Variants in CFAP52 observed in about 807,000 individuals in gnomAD.
CFAP52 encodes the protein cilia- and flagella-associated protein 52.
Under a neutral mutation model 70.5 loss-of-function variants are expected in CFAP52, and 57 were observed. The observed-to-expected ratio is 0.81, with a 90% confidence interval of 0.65 to 1.01. The LOEUF (loss-of-function observed/expected upper bound fraction) is 1.01. Ranked by LOEUF, CFAP52 falls within the 50% of genes least tolerant of loss-of-function variation. The pLI, the probability that CFAP52 is intolerant of heterozygous loss-of-function variation, is 0.00. For missense variants in CFAP52, 785 were observed against 788.5 expected, an observed-to-expected ratio of 1.00 and a Z score of 0.05; for synonymous variants, 267 against 292.5, an observed-to-expected ratio of 0.91 and a Z score of 0.89.
At chr17:9,587,562 C>T (rs1475102843) in intron 3 of CFAP52, among the ~76,000 whole-genome samples, 1 of 152,156 alleles carries the variant, frequency 6.6e-6, no homozygotes, top group Non-Finnish European at 1.5e-5. Context: ...AATAGTTGTT[C>T]TGACTGATAT....
chr17:9,616,183 C>T (rs1909908715), intron 8 of CFAP52, among the ~76,000 whole-genome samples: 2 of 151,178 alleles, frequency 1.3e-5, no homozygotes, highest in Non-Finnish European at 2.9e-5. Context: ...ATTGCCTCAC[C>T]TGGGAAGCGC....
chr17:9,631,093 A>G lies in CFAP52; in HGVS notation c.1175-1795A>G, dbSNP rs1265597294. Among the ~76,000 whole-genome samples, 156 of 150,320 alleles carry G rather than the reference A, an allele frequency of 1.0e-3. 8 individuals are homozygous for G. The highest frequency in any genetic ancestry group is 3.7e-3 in the African/African-American group (150 of 40,294). On this transcript the variant is annotated intron_variant, in intron 9 of 13. Transcript: ENST00000352665. Reference sequence around the variant, plus strand: ...AAGAAAGAAAGAAAGAGAAAGAAAGAAAGAGAAAGAAAGAACATAAGTCAG... The same window carrying G: ...AAGAAAGAAAGAAAGAGAAAGAAAGGAAGAGAAAGAAAGAACATAAGTCAG...
intron 1 of CFAP52, 95 bp downstream of exon 1, chr17:9,576,860 G>A: frequency 7.4e-7 from 1 of 1,348,158 alleles, no homozygotes; most frequent in Non-Finnish European, 1.0e-6. Flanking sequence ...CACCTGAAAG[G>A]CAGTGTGGGA....
chr17:9,613,107 C>T (rs970004737), intron 8 of CFAP52, among the ~76,000 whole-genome samples: 2 of 151,788 alleles, frequency 1.3e-5, no homozygotes, highest in African/African-American at 4.8e-5. Context: ...GGCATATAGC[C>T]CCATCTTAAG....
At chr17:9,644,007 A>G (rs1369709847), downstream of CFAP52, among the ~76,000 whole-genome samples, 1 of 152,122 alleles carries the variant, frequency 6.6e-6, no homozygotes, top group Non-Finnish European at 1.5e-5. Context: ...GATTCACAGT[A>G]CCGTCTGATG....
chr17:9,594,047 A>C, intron 3 of CFAP52, 146 bp from the exon 4 acceptor site: 3 of 1,137,468 alleles, frequency 2.6e-6, no homozygotes, highest in Non-Finnish European at 3.6e-6. Flanking sequence ...AGTTGAGGAG[A>C]TGTCAGGGGT....
intron 8 of CFAP52, among the ~76,000 whole-genome samples, chr17:9,626,239 T>A (rs1037101884): frequency 1.1e-4 from 16 of 152,216 alleles, no homozygotes; most frequent in Non-Finnish European, 1.8e-4. Flanking sequence ...AGAAAGTTCT[T>A]CTTTTTTGAG....
rs184009440 is a variant in CFAP52 at position 9,591,074 on chromosome 17, G to A, written c.408-3119G>A. ...TTTTTTGAGATGGAGTTTCACTCTT[G>A]TTTCCCAGGCTGGAGTGCAACGGCA... On this transcript the variant is annotated intron_variant, in intron 3 of 13. Transcript: ENST00000352665. Among the ~76,000 whole-genome samples, 45 of 93,846 alleles carry A rather than the reference G, an allele frequency of 4.8e-4. 1 individual carries two copies. The highest frequency in any genetic ancestry group is 0.03 in the Middle Eastern group (2 of 66). 61.6% of individuals were successfully genotyped at this position (93,846 alleles called of 152,430 possible).
intron 1 of CFAP52, among the ~76,000 whole-genome samples, chr17:9,577,257 C>G (rs1253792770): frequency 6.6e-6 from 1 of 152,130 alleles, no homozygotes; most frequent in East Asian, 1.9e-4. Context: ...TTTGAGCAAC[C>G]CCCTGAGGGG....
At chr17:9,640,534 TGGCTC>T (rs1448039235) in intron 12 of CFAP52, among the ~76,000 whole-genome samples, 2 of 152,156 alleles carry the variant, frequency 1.3e-5, no homozygotes, top group Non-Finnish European at 2.9e-5. Flanking sequence ...CTGAGGATAA[TGGCTC>T]CCAACTCCAT....
At chr17:9,583,868 A>G (rs1452200380) in intron 1 of CFAP52, among the ~76,000 whole-genome samples, 1 of 152,218 alleles carries the variant, frequency 6.6e-6, no homozygotes, top group Non-Finnish European at 1.5e-5. Context: ...AGTTTGGGCC[A>G]CTTGTCACTT....
At chr17:9,600,018 G>A in intron 5 of CFAP52, 49 bp from the exon 6 acceptor site, 2 of 1,541,490 alleles carry the variant, frequency 1.3e-6, no homozygotes, top group Non-Finnish European at 1.8e-6. Flanking sequence ...TGATATTACA[G>A]GCGTGAGCCA....
chr17:9,578,955 G>T (rs1052447439), intron 1 of CFAP52, among the ~76,000 whole-genome samples: 2 of 152,094 alleles, frequency 1.3e-5, no homozygotes, highest in African/African-American at 4.8e-5. Context: ...CTGATCAGTT[G>T]TGTCTAAACC....
At chr17:9,591,711 T>C (rs1908769837) in intron 3 of CFAP52, among the ~76,000 whole-genome samples, 1 of 152,106 alleles carries the variant, frequency 6.6e-6, no homozygotes, top group South Asian at 2.1e-4. Flanking sequence ...AGACCCCTGT[T>C]TCCACAAAAA....
At chr17:9,595,524 A>C (rs1396099459) in intron 4 of CFAP52, among the ~76,000 whole-genome samples, 1 of 152,098 alleles carries the variant, frequency 6.6e-6, no homozygotes, top group Non-Finnish European at 1.5e-5. Context: ...TTGCAGAGTG[A>C]TTTGACTAAG....
At chr17:9,629,524 C>T (rs11657544) in intron 9 of CFAP52, among the ~76,000 whole-genome samples, 1 of 144,916 alleles carries the variant, frequency 6.9e-6, no homozygotes, top group Non-Finnish European at 1.5e-5. Context: ...TTTCTTCTTT[C>T]TTTTTTCTTC....
At chr17:9,590,623 T>C (rs1908703344) in intron 3 of CFAP52, 1 of 152,178 alleles carries the variant, frequency 6.6e-6, no homozygotes, top group South Asian at 2.1e-4. Flanking sequence ...CCCCCGGAGA[T>C]TCTTGGAGCT....
chr17:9,615,922 T>C (rs1279792313), intron 8 of CFAP52, among the ~76,000 whole-genome samples: 4 of 150,414 alleles, frequency 2.7e-5, no homozygotes, highest in Non-Finnish European at 4.4e-5. Flanking sequence ...TCTCAGATTA[T>C]AGGCATGAGC....
chr17:9,644,519 C>T (rs1392403211), downstream of CFAP52, among the ~76,000 whole-genome samples: 1 of 145,400 alleles, frequency 6.9e-6, no homozygotes, highest in African/African-American at 2.6e-5. Flanking sequence ...TAGAAATTGA[C>T]GAGAAAGTCA....
Sources: allele counts gnomAD v4.1 joint callset (sites outside exome capture counted in the v4.1 genomes callset), GRCh38; gene constraint gnomAD v4.1.1; transcripts MANE v1.5; gene names NCBI Gene and HGNC (gene_info 2026-07-23, HGNC 2026-07-21).